The following HMBOX1 variants were observed in gnomAD, a reference collection of about 807,000 sequenced individuals.
HMBOX1 encodes the protein homeobox-containing protein 1.
Under a neutral mutation model 54.5 loss-of-function variants are expected in HMBOX1, and 14 were observed. That is an observed-to-expected ratio of 0.26 (90% CI 0.17 to 0.40). The LOEUF is 0.40. Ranked by LOEUF, HMBOX1 falls within the 10% of genes least tolerant of loss-of-function variation. The probability of loss-of-function intolerance (pLI) is 1.00; values close to 1 mark genes in which losing one functional copy is unlikely to be tolerated. For synonymous variants in HMBOX1, 160 were observed against 181.0 expected, an observed-to-expected ratio of 0.88 and a Z score of 0.93; for missense variants, 332 against 514.4, an observed-to-expected ratio of 0.65 and a Z score of 3.43.
chr8:29,026,230 A>G (rs1802013349), intron 6 of HMBOX1, among the ~76,000 whole-genome samples: 1 of 152,168 alleles, frequency 6.6e-6, no homozygotes, highest in Non-Finnish European at 1.5e-5. Context: ...CTTCTAAAAT[A>G]TCCAATTCCA....
At chr8:28,984,960 A>G (rs1263024568) in intron 4 of HMBOX1, among the ~76,000 whole-genome samples, 3 of 152,178 alleles carry the variant, frequency 2.0e-5, no homozygotes, top group Admixed American at 2.0e-4. Flanking sequence ...AATTTACCAT[A>G]ATTTTGTTTT....
intron 1 of HMBOX1, among the ~76,000 whole-genome samples, chr8:28,899,653 A>G (rs1812833361): frequency 6.6e-6 from 1 of 152,242 alleles, no homozygotes; most frequent in African/African-American, 2.4e-5. Flanking sequence ...CAAAAGCTCC[A>G]TGATTTCAGG....
intron 3 of HMBOX1, among the ~76,000 whole-genome samples, chr8:28,978,761 C>G (rs574957627): frequency 6.6e-5 from 8 of 120,860 alleles, no homozygotes; most frequent in African/African-American, 2.6e-4. Flanking sequence ...CACTCCAGCC[C>G]GAGCAACAGA....
At chr8:28,933,866 G>GAATT (rs1470295061) in intron 1 of HMBOX1, among the ~76,000 whole-genome samples, 1 of 152,262 alleles carries the variant, frequency 6.6e-6, no homozygotes, top group Admixed American at 6.5e-5. Flanking sequence ...GCTTAATGGT[G>GAATT]AATTAATTAA....
chr8:28,986,404 A>G (rs1004534858), intron 4 of HMBOX1, among the ~76,000 whole-genome samples: 1 of 152,228 alleles, frequency 6.6e-6, no homozygotes, highest in Non-Finnish European at 1.5e-5. Flanking sequence ...TAGTAAAGCA[A>G]TGCTGGTAGA....
intron 6 of HMBOX1, 71 bp from the exon 7 acceptor site, chr8:29,045,290 G>T: frequency 8.7e-7 from 1 of 1,146,740 alleles, no homozygotes. Context: ...ATATTTTTCA[G>T]TGAGTTAGTG....
At chr8:29,021,813 T>A (rs1563597751) in intron 6 of HMBOX1, among the ~76,000 whole-genome samples, 1 of 148,394 alleles carries the variant, frequency 6.7e-6, no homozygotes, top group Non-Finnish European at 1.5e-5. Flanking sequence ...TGAGCCGAGA[T>A]CGTGCCACTG....
chr8:29,025,001 C>T (rs992436688), intron 6 of HMBOX1, among the ~76,000 whole-genome samples: 1 of 152,012 alleles, frequency 6.6e-6, no homozygotes, highest in Admixed American at 6.6e-5. Context: ...TTGTCTTCCA[C>T]GAAACTGGCC....
intron 1 of HMBOX1, among the ~76,000 whole-genome samples, chr8:28,903,400 T>G (rs1374034361): frequency 1.3e-5 from 2 of 152,238 alleles, no homozygotes; most frequent in Admixed American, 1.3e-4. Flanking sequence ...TGGTAAACAT[T>G]GTTGTGAATG....
At chr8:28,996,004 G>A (rs1242421469) in intron 4 of HMBOX1, among the ~76,000 whole-genome samples, 1 of 152,070 alleles carries the variant, frequency 6.6e-6, no homozygotes, top group African/African-American at 2.4e-5. Context: ...TACTTGAAAG[G>A]CTGAGGCAGG....
intron 2 of HMBOX1, 62 bp from the exon 3 acceptor site, chr8:28,969,981 A>G (rs1224548673): frequency 7.0e-6 from 7 of 998,692 alleles, no homozygotes; most frequent in Non-Finnish European, 1.1e-5. Context: ...AGCATTCTGT[A>G]TAATATGTGC....
chr8:28,897,194 A>C (rs1339996113), intron 1 of HMBOX1, among the ~76,000 whole-genome samples: 1 of 151,842 alleles, frequency 6.6e-6, no homozygotes, highest in Non-Finnish European at 1.5e-5. Context: ...CATGTTGGTC[A>C]TGCTGGTCTC....
intron 6 of HMBOX1, among the ~76,000 whole-genome samples, chr8:29,023,903 G>T (rs555431259): frequency 6.6e-5 from 10 of 152,304 alleles, no homozygotes; most frequent in Admixed American, 6.5e-4. Context: ...ATCTCTGGGT[G>T]TAGAGCCTAG....
chr8:28,977,385 A>G (rs573206632), intron 3 of HMBOX1, among the ~76,000 whole-genome samples: 1 of 152,318 alleles, frequency 6.6e-6, no homozygotes, highest in South Asian at 2.1e-4. Context: ...TAGAAATGCA[A>G]TACTTTATTT....
At chr8:28,939,932 A>T (rs1225511414) in intron 1 of HMBOX1, among the ~76,000 whole-genome samples, 1 of 152,158 alleles carries the variant, frequency 6.6e-6, no homozygotes, top group Non-Finnish European at 1.5e-5. Flanking sequence ...TTCCCATAGT[A>T]GGTCTTTTAC....
At chr8:29,007,004 A>G (rs1461402075) in intron 4 of HMBOX1, among the ~76,000 whole-genome samples, 1 of 152,178 alleles carries the variant, frequency 6.6e-6, no homozygotes, top group Non-Finnish European at 1.5e-5. Flanking sequence ...AAAATGCAGT[A>G]TAGGCTGGGT....
chr8:28,989,947 A>G (rs1433965309), intron 4 of HMBOX1, among the ~76,000 whole-genome samples: 1 of 152,044 alleles, frequency 6.6e-6, no homozygotes, highest in Admixed American at 6.6e-5. Context: ...AATATTTTAT[A>G]TTTTTATTGC....
At chr8:29,026,627 C>T (rs907610472) in intron 6 of HMBOX1, among the ~76,000 whole-genome samples, 6 of 152,266 alleles carry the variant, frequency 3.9e-5, no homozygotes, top group Middle Eastern at 3.4e-3. Flanking sequence ...CTGGTTTTTC[C>T]TTTTTCTAAT....
intron 4 of HMBOX1, among the ~76,000 whole-genome samples, chr8:28,991,847 GCCTGCA>G (rs1831025220): frequency 6.6e-6 from 1 of 152,090 alleles, no homozygotes; most frequent in East Asian, 1.9e-4. Context: ...CTTTTTACTA[GCCTGCA>G]CCCTCTTAGC....
Sources: allele counts gnomAD v4.1 joint callset (sites outside exome capture counted in the v4.1 genomes callset), GRCh38; gene constraint gnomAD v4.1.1; transcripts MANE v1.5; gene names NCBI Gene and HGNC (gene_info 2026-07-23, HGNC 2026-07-21).